TM2D3: variants seen among roughly 807,000 people sequenced by gnomAD.
TM2D3 encodes TM2 domain-containing protein 3.
In TM2D3, 33 loss-of-function variants were observed where a neutral mutation model predicts 27.3. The ratio of observed to expected loss-of-function variants is 1.21; its 90% CI spans 0.92 to 1.61. The LOEUF is 1.61. TM2D3 is among the 40% of genes most tolerant of loss of function. The pLI is 0.00. For synonymous variants in TM2D3, 138 were observed against 122.2 expected (o/e 1.13, Z -0.85); for missense variants, 364 against 320.8 (o/e 1.13, Z -1.03).
intron 5 of TM2D3, among the ~76,000 whole-genome samples, chr15:101,643,602 A>T (rs1567311223): frequency 4.0e-5 from 5 of 126,414 alleles, no homozygotes; most frequent in African/African-American, 5.8e-5. Context: ...ACTCCGTTAA[A>T]AAAAAAAAAA....
intron 3 of TM2D3, 65 bp downstream of exon 3, chr15:101,649,939 G>T: frequency 1.4e-6 from 2 of 1,460,968 alleles, no homozygotes; most frequent in South Asian, 1.2e-5. Context: ...AATCAAGTCT[G>T]AATTGTTCTT....
chr15:101,643,083 T>G (rs1054137876), intron 5 of TM2D3, among the ~76,000 whole-genome samples: 1 of 152,168 alleles, frequency 6.6e-6, no homozygotes, highest in Non-Finnish European at 1.5e-5. Flanking sequence ...GAATAAATCC[T>G]TAAAAGATTT....
rs1896679113 is a variant in TM2D3, at chr15:101,641,961, T to C, written c.*518A>G. 2 of 985,326 alleles carry C rather than the reference T, an allele frequency of 2.0e-6. No individual in the cohort carries two copies. The highest frequency in any genetic ancestry group is 1.1e-4 in the East Asian group (1 of 8,832). 61.0% of individuals were successfully genotyped at this position (985,326 alleles called of 1,614,324 possible). On this transcript the variant is annotated 3_prime_UTR_variant, in exon 6 of 6. Coordinates refer to ENST00000333202, the MANE Select transcript of TM2D3 (RefSeq NM_078474.3). Reference sequence around the variant, plus strand: ...TTCTGCAGTTTAATTCAAATTTTCATATATACAGACCAGACTACATATGTA... The same window carrying C: ...TTCTGCAGTTTAATTCAAATTTTCACATATACAGACCAGACTACATATGTA...
chr15:101,651,830 TA>T, intron 1 of TM2D3, 57 bp from the exon 2 acceptor site: 1 of 1,591,864 alleles, frequency 6.3e-7, no homozygotes, highest in South Asian at 1.1e-5. Context: ...AAGAAAACCT[TA>T]TTTTGTGTGG....
At position 101,642,451 on chromosome 15, in the gene TM2D3, C is replaced by G. The variant is rs764387913; in HGVS notation, c.*28G>C. Reference sequence around the variant, plus strand: ...CGGACAAAAGGGCTTTTTCTAAGCCCTGCTCCTTTCTGAAGCACACACCAC... The same window carrying G: ...CGGACAAAAGGGCTTTTTCTAAGCCGTGCTCCTTTCTGAAGCACACACCAC... On this transcript the variant is annotated 3_prime_UTR_variant, in exon 6 of 6. Transcript: ENST00000333202. 1 of 1,579,886 alleles carries G rather than the reference C, an allele frequency of 6.3e-7. No homozygotes were observed. Among genetic ancestry groups the G allele is most frequent in the Non-Finnish European group, 8.6e-7 (1 of 1,160,268 alleles).
downstream of TM2D3, chr15:101,641,764 G>T: frequency 2.1e-6 from 1 of 476,552 alleles, no homozygotes; most frequent in Non-Finnish European, 2.7e-6. Context: ...TGCCCTGAAA[G>T]ATAAAAATGT....
At chr15:101,643,854 T>C (rs1285688007) in intron 5 of TM2D3, among the ~76,000 whole-genome samples, 2 of 152,070 alleles carry the variant, frequency 1.3e-5, no homozygotes, top group Non-Finnish European at 2.9e-5. Context: ...CAATGGTTAC[T>C]AATCTTTTTT....
intron 5 of TM2D3, 116 bp downstream of exon 5, chr15:101,644,971 A>C: frequency 1.1e-6 from 1 of 890,952 alleles, no homozygotes; most frequent in Non-Finnish European, 1.8e-6. Flanking sequence ...CTAGAGTCTA[A>C]CACACGTGGT....
chr15:101,643,564 T>C (rs1350720786), intron 5 of TM2D3, among the ~76,000 whole-genome samples: 1 of 124,150 alleles, frequency 8.1e-6, no homozygotes, highest in Non-Finnish European at 1.6e-5. Context: ...ATTGAGCCAC[T>C]GCACTCCAGC....
At chr15:101,641,222 G>A (rs768431910), downstream of TM2D3, among the ~76,000 whole-genome samples, 37 of 152,264 alleles carry the variant, frequency 2.4e-4, no homozygotes, top group Non-Finnish European at 4.3e-4. Context: ...CACATAAACC[G>A]GGTTACTCCC....
chr15:101,649,408 C>G (rs982563707), intron 3 of TM2D3, among the ~76,000 whole-genome samples: 2 of 151,826 alleles, frequency 1.3e-5, no homozygotes, highest in African/African-American at 4.8e-5. Flanking sequence ...GAAAAATATT[C>G]TCCATTTTGG....
chr15:101,637,822 G>A (rs1596259127), downstream of TM2D3, among the ~76,000 whole-genome samples: 1 of 152,312 alleles, frequency 6.6e-6, no homozygotes, highest in South Asian at 2.1e-4. Flanking sequence ...ATTCTAGTGG[G>A]TGGTGAGTCA....
chr15:101,645,015 C>CAATGTCTGAAA (rs1412607691), intron 5 of TM2D3, 72 bp downstream of exon 5: 1 of 1,313,702 alleles, frequency 7.6e-7, no homozygotes, highest in East Asian at 2.3e-5. Flanking sequence ...GGACTGAGCT[C>CAATGTCTGAAA]AATGTCTGAA....
intron 4 of TM2D3, chr15:101,633,832 C>G: frequency 1.0e-6 from 1 of 967,120 alleles, no homozygotes. Context: ...TACCAAGAAC[C>G]AGGACATTCA....
chr15:101,641,716 A>G (rs1420053395), downstream of TM2D3: 1 of 235,028 alleles, frequency 4.3e-6, no homozygotes, highest in African/African-American at 2.3e-5. Flanking sequence ...CACTGTGTCA[A>G]TAAACCAGCC....
intron 5 of TM2D3, among the ~76,000 whole-genome samples, chr15:101,644,556 C>G (rs1296847057): frequency 6.6e-6 from 1 of 152,242 alleles, no homozygotes; most frequent in Non-Finnish European, 1.5e-5. Flanking sequence ...TTTCACTAAT[C>G]AGTTAACCAG....
At chr15:101,651,807 G>C in intron 1 of TM2D3, 34 bp from the exon 2 acceptor site, 1 of 1,607,724 alleles carries the variant, frequency 6.2e-7, no homozygotes, top group South Asian at 1.1e-5. Flanking sequence ...AGAGAAACAC[G>C]TTATCCCGGG....
intron 5 of TM2D3, 32 bp from the exon 6 acceptor site, chr15:101,642,676 A>G: frequency 6.5e-7 from 1 of 1,550,348 alleles, no homozygotes; most frequent in South Asian, 1.2e-5. Context: ...ATTCCATGAG[A>G]CCACCTCCAC....
At chr15:101,633,383 C>T (rs1381174294) in exon 5 of TM2D3, 1 of 331,998 alleles carries the variant, frequency 3.0e-6, no homozygotes, top group Non-Finnish European at 5.4e-6. Context: ...CAGGTTACAA[C>T]ACAGGTGTTG....
Sources: gnomAD v4.1 joint callset for allele counts (sites outside exome capture counted in the v4.1 genomes callset) on GRCh38, gnomAD v4.1.1 for gene constraint, MANE v1.5 for transcripts, NCBI Gene and HGNC (gene_info 2026-07-23, HGNC 2026-07-21) for gene names.